The following TECR variants were observed in gnomAD, a reference collection of about 807,000 sequenced individuals.
The protein encoded by TECR is very-long-chain enoyl-CoA reductase.
In TECR, 19 loss-of-function variants were observed where a neutral mutation model predicts 50.6. The ratio of observed to expected loss-of-function variants is 0.38; its 90% CI spans 0.26 to 0.55. TECR has a LOEUF of 0.55. Among genes scored for constraint, TECR ranks in the 20% least tolerant of loss-of-function variants. The pLI is 0.79. For missense variants in TECR, 313 were observed against 408.3 expected (o/e 0.77, Z 2.01); for synonymous variants, 168 against 163.5 (o/e 1.03, Z -0.21).
intron 1 of TECR, among the ~76,000 whole-genome samples, chr19:14,553,373 G>T (rs2073606341): frequency 6.6e-6 from 1 of 152,162 alleles, no homozygotes; most frequent in Admixed American, 6.5e-5. Flanking sequence ...AGGGACCTGG[G>T]AGTGGGAGGT....
At chr19:14,550,290 G>A (rs760460162) in intron 1 of TECR, among the ~76,000 whole-genome samples, 24 of 152,104 alleles carry the variant, frequency 1.6e-4, no homozygotes, top group East Asian at 5.8e-4. Flanking sequence ...GTGAGTGGGC[G>A]GGTGGTGTTA....
chr19:14,544,073 TG>T (rs2073219541), intron 1 of TECR, among the ~76,000 whole-genome samples: 1 of 151,658 alleles, frequency 6.6e-6, no homozygotes, highest in Non-Finnish European at 1.5e-5. Context: ...CAGCCAGGGG[TG>T]GGGGATCCAC....
chr19:14,563,906 G>A lies in TECR; in HGVS notation c.267+3G>A. On this transcript the variant is annotated splice_donor_region_variant and intron_variant, in intron 5 of 12. Transcript: ENST00000215567. This position sits in a 1 kb window ranked among gnomAD's most constrained non-coding sequence, Gnocchi z 5.3. ...GGGCCCAGATCAGCTGGGTGACGGT[G>A]AGTCCTGACCCTACCCACGGCCTCT... 1 of 1,614,066 alleles carries A rather than the reference G, an allele frequency of 6.2e-7. No individual in the cohort carries two copies. Among genetic ancestry groups the A allele is most frequent in the Non-Finnish European group, 8.5e-7 (1 of 1,179,948 alleles).
chr19:14,543,735 G>T (rs868782427), intron 1 of TECR, among the ~76,000 whole-genome samples: 1 of 148,904 alleles, frequency 6.7e-6, no homozygotes, highest in Non-Finnish European at 1.5e-5. Flanking sequence ...ACCGCGCCCG[G>T]CTATATATAT....
chr19:14,529,919 C>A, intron 1 of TECR: 3 of 708,364 alleles, frequency 4.2e-6, no homozygotes, highest in South Asian at 1.8e-5. Flanking sequence ...GCAACCCAGG[C>A]TGTTTTGGGG....
At chr19:14,557,860 A>G (rs1321644557) in intron 1 of TECR, among the ~76,000 whole-genome samples, 6 of 151,728 alleles carry the variant, frequency 4.0e-5, no homozygotes, top group African/African-American at 1.2e-4. Context: ...GGTTCGCGCC[A>G]TTCTCCTGCC....
intron 1 of TECR, among the ~76,000 whole-genome samples, chr19:14,534,583 G>T (rs1264148664): frequency 6.6e-6 from 1 of 151,054 alleles, no homozygotes; most frequent in Non-Finnish European, 1.5e-5. Context: ...TTACAGGTGG[G>T]TGCCACCATG....
chr19:14,548,956 C>CT (rs920603556), intron 1 of TECR, among the ~76,000 whole-genome samples: 8 of 152,128 alleles, frequency 5.3e-5, no homozygotes, highest in Non-Finnish European at 1.2e-4. Flanking sequence ...CAATACAACT[C>CT]TATTTATGGA....
intron 1 of TECR, among the ~76,000 whole-genome samples, chr19:14,555,526 A>G (rs776938811): frequency 4.8e-4 from 70 of 144,688 alleles, no homozygotes; most frequent in Non-Finnish European, 9.6e-4. Context: ...GCTCACCACA[A>G]CCTCCATCTC....
At chr19:14,555,260 GT>G (rs1276107501) in intron 1 of TECR, among the ~76,000 whole-genome samples, 1 of 150,420 alleles carries the variant, frequency 6.6e-6, no homozygotes, top group African/African-American at 2.4e-5. Flanking sequence ...TTTTATTTTT[GT>G]TTTTTGAGAT....
intron 1 of TECR, among the ~76,000 whole-genome samples, chr19:14,554,436 T>G (rs1024698515): frequency 2.0e-5 from 3 of 151,910 alleles, no homozygotes; most frequent in African/African-American, 4.8e-5. Flanking sequence ...GGCAGGCAGG[T>G]GCCTTGCTGG....
intron 1 of TECR, among the ~76,000 whole-genome samples, chr19:14,554,752 T>G (rs2073657967): frequency 6.6e-6 from 1 of 151,764 alleles, no homozygotes; most frequent in Non-Finnish European, 1.5e-5. Flanking sequence ...CCTCCACATC[T>G]GTCCAGAATT....
intron 1 of TECR, among the ~76,000 whole-genome samples, chr19:14,544,136 C>G (rs147758363): frequency 0.01 from 1,524 of 152,096 alleles, 10 homozygotes; most frequent in South Asian, 0.048. Flanking sequence ...GGGATGGTTT[C>G]TGGAGAGGCT....
chr19:14,542,043 A>G (rs2073112864), intron 1 of TECR, among the ~76,000 whole-genome samples: 1 of 152,156 alleles, frequency 6.6e-6, no homozygotes, highest in South Asian at 2.1e-4. Flanking sequence ...TCGGCCTTCC[A>G]GAATGCTGGG....
intron 1 of TECR, among the ~76,000 whole-genome samples, chr19:14,558,200 A>C (rs2073796605): frequency 6.6e-6 from 1 of 152,184 alleles, no homozygotes; most frequent in Admixed American, 6.5e-5. Context: ...ACAGCCAGGA[A>C]ATGGGCAGGT....
At chr19:14,553,476 A>T (rs1555735115) in intron 1 of TECR, among the ~76,000 whole-genome samples, 2 of 152,030 alleles carry the variant, frequency 1.3e-5, no homozygotes, top group Non-Finnish European at 2.9e-5. Context: ...CCCGGGTGCC[A>T]CTGAGAAACG....
chr19:14,564,986 C>CT lies in TECR; in HGVS notation c.603dup (p.Val202CysfsTer114). 6.2e-7 allele frequency: 1 copy of CT among 1,614,066 alleles called. No individual in the cohort carries two copies. The highest frequency in any genetic ancestry group is 8.5e-7 in the Non-Finnish European group (1 of 1,180,040). On this transcript the variant is annotated frameshift_variant, in exon 9 of 13. Coordinates refer to ENST00000215567, the MANE Select transcript of TECR (RefSeq NM_138501.6). LOFTEE classifies it high-confidence loss of function. ...AGCAGGTGAAACTGGCGCTCGCCATCTTTGTGGTAAGGAGGCTGGGTGTGG... is the reference window on the plus strand; with the variant it reads ...AGCAGGTGAAACTGGCGCTCGCCATCTTTTGTGGTAAGGAGGCTGGGTGTGG...
chr19:14,558,678 C>T lies in TECR; in HGVS notation c.16-3847C>T, dbSNP rs1034914188. 2.0e-5 allele frequency among the ~76,000 whole-genome samples: 3 copies of T among 152,254 alleles called. No homozygotes were observed. In the East Asian group the frequency reaches 5.8e-4, roughly 29 times the overall value. ...TGAGGCTATGTGGTCTCACCCCTTG[C>T]CCGTGGCCAGTGCTGGGACCTCGCT... On this transcript the variant is annotated intron_variant, in intron 1 of 12. Coordinates refer to ENST00000215567, the MANE Select transcript of TECR (RefSeq NM_138501.6).
In TECR at chr19:14,561,917, G is replaced by A. The variant is rs527845358; in HGVS notation, c.16-608G>A. ...AGTGAACTCCCTAGGCCTGAGCTGC[G>A]GGCTGGGGCCTGCACGGCCCGCTGG... On this transcript the variant is annotated intron_variant, in intron 1 of 12. Transcript: ENST00000215567. The A allele has an allele frequency of 5.6e-5, 10 of 177,584 alleles. No individual in the cohort carries two copies. The South Asian group carries it at 1.2e-3, about 21-fold the overall frequency. The allele number at this position is 177,584 out of a possible 1,614,324, so 11.0% of individuals were successfully genotyped here. A position where few individuals can be genotyped will look rare whatever the true frequency, so the allele number is the denominator to read the frequency against.
Sources: allele counts gnomAD v4.1 joint callset (sites outside exome capture counted in the v4.1 genomes callset), GRCh38; gene constraint gnomAD v4.1.1; non-coding constraint Gnocchi (gnomAD v3.1); transcripts MANE v1.5; gene names NCBI Gene and HGNC (gene_info 2026-07-23, HGNC 2026-07-21).